COL5A2: variants seen among roughly 807,000 people sequenced by gnomAD.
COL5A2 encodes the protein collagen type V alpha 2 chain, also known as collagen alpha-2(V) chain.
A neutral mutation model predicts 208.2 loss-of-function variants in COL5A2; 23 were observed. The ratio of observed to expected loss-of-function variants is 0.11; its 90% CI spans 0.08 to 0.16. The LOEUF is 0.16. COL5A2 is among the 10% of genes least tolerant of loss of function. The pLI, the probability that COL5A2 is intolerant of heterozygous loss-of-function variation, is 1.00. For synonymous variants in COL5A2, 625 were observed against 628.5 expected, an observed-to-expected ratio of 0.99 and a Z score of 0.08; for missense variants, 1,590 against 1,956.4, an observed-to-expected ratio of 0.81 and a Z score of 3.53.
the COL5A2 span, among the ~76,000 whole-genome samples, chr2:189,420,116 G>A: frequency 6.6e-6 from 1 of 150,644 alleles, no homozygotes; most frequent in South Asian, 2.1e-4. Flanking sequence ...AGGGAGGGAG[G>A]AAAAATTACC....
At chr2:189,088,615 G>T (rs1686716504) in intron 8 of COL5A2, 80 bp downstream of exon 8, 1 of 1,001,228 alleles carries the variant, frequency 1.0e-6, no homozygotes, top group South Asian at 1.3e-5. Flanking sequence ...GTTATTCTTT[G>T]ACTAGTTAAC....
At chr2:189,037,668 G>T (rs902891393) in intron 51 of COL5A2, among the ~76,000 whole-genome samples, 2 of 152,122 alleles carry the variant, frequency 1.3e-5, no homozygotes, top group Non-Finnish European at 2.9e-5. Flanking sequence ...CCTGGTACAT[G>T]CAACTAGGGC....
chr2:189,220,386 A>T (rs1689333776), intron 1 of COL5A2, among the ~76,000 whole-genome samples: 1 of 152,156 alleles, frequency 6.6e-6, no homozygotes, highest in Non-Finnish European at 1.5e-5. Flanking sequence ...TTCTTTAGAG[A>T]ATTCAAATTA....
chr2:189,326,096 C>CAAA, the COL5A2 span, among the ~76,000 whole-genome samples: 141 of 96,792 alleles, frequency 1.5e-3, no homozygotes, highest in Middle Eastern at 4.8e-3. Context: ...GACCCTGTCT[C>CAAA]AAAAAAAAAA....
the COL5A2 span, among the ~76,000 whole-genome samples, chr2:189,373,398 G>C: frequency 6.6e-6 from 1 of 152,154 alleles, no homozygotes; most frequent in East Asian, 1.9e-4. Flanking sequence ...GTGTTTAAAT[G>C]TTCTGCTGTT....
At chr2:189,343,564 T>C in the COL5A2 span, among the ~76,000 whole-genome samples, 1 of 152,124 alleles carries the variant, frequency 6.6e-6, no homozygotes, top group Non-Finnish European at 1.5e-5. Flanking sequence ...CCTACAAGCA[T>C]TTATCCTATT....
chr2:189,120,329 C>A (rs557850886), intron 1 of COL5A2, among the ~76,000 whole-genome samples: 1 of 152,098 alleles, frequency 6.6e-6, no homozygotes, highest in East Asian at 1.9e-4. Context: ...TCTATTTTTT[C>A]ATTTCTCTAA....
At chr2:189,404,109 A>G in the COL5A2 span, among the ~76,000 whole-genome samples, 1 of 152,220 alleles carries the variant, frequency 6.6e-6, no homozygotes, top group Admixed American at 6.5e-5. Flanking sequence ...TAAATGTAAC[A>G]TGATCACATG....
In COL5A2 at chr2:189,053,568, G is replaced by C. The variant is rs1576495981; in HGVS notation, c.2500-91C>G. The C allele has an allele frequency of 7.8e-6, 9 of 1,156,172 alleles. No homozygotes were observed. The East Asian group carries it at 2.2e-4, about 28-fold the overall frequency. 71.6% of individuals were successfully genotyped at this position (1,156,172 alleles called of 1,614,324 possible). On this transcript the variant is annotated intron_variant, in intron 37 of 53. Coordinates refer to ENST00000374866, the MANE Select transcript of COL5A2 (RefSeq NM_000393.5). ...TATGATCATATAAATCTGATAGTTA[G>C]ACATGTAAATATAGAAAAATTACAC... is the stretch of plus-strand genomic sequence containing the variant.
chr2:189,440,879 T>C, the COL5A2 span, among the ~76,000 whole-genome samples: 2 of 151,988 alleles, frequency 1.3e-5, no homozygotes, highest in East Asian at 3.9e-4. Flanking sequence ...TGCACCAGAA[T>C]CCCGGAGTAG....
At chr2:189,298,458 G>C in the COL5A2 span, among the ~76,000 whole-genome samples, 1 of 152,040 alleles carries the variant, frequency 6.6e-6, no homozygotes, top group African/African-American at 2.4e-5. Context: ...TCTTCCTGCT[G>C]GGGTCCCCCT....
intron 1 of COL5A2, among the ~76,000 whole-genome samples, chr2:189,141,607 G>C (rs1204045460): frequency 2.0e-5 from 3 of 152,100 alleles, no homozygotes; most frequent in African/African-American, 4.8e-5. Context: ...AGTCACATGG[G>C]TCACGTAGTT....
chr2:189,072,764 C>T (rs1306848570), intron 17 of COL5A2, among the ~76,000 whole-genome samples: 237 of 73,740 alleles, frequency 3.2e-3, no homozygotes, highest in African/African-American at 0.013. Flanking sequence ...GACTCCATCT[C>T]CAAAAAAAAA....
chr2:189,057,695 C>CT (rs927651309), intron 33 of COL5A2, among the ~76,000 whole-genome samples: 1 of 152,034 alleles, frequency 6.6e-6, no homozygotes, highest in South Asian at 2.1e-4. Flanking sequence ...ATAGAGTTGC[C>CT]TTTTTTTCCC....
intron 42 of COL5A2, among the ~76,000 whole-genome samples, 191 bp from the exon 43 acceptor site, chr2:189,050,867 T>C (rs1481200430): frequency 6.6e-6 from 1 of 152,124 alleles, no homozygotes; most frequent in Non-Finnish European, 1.5e-5. Context: ...TATTTAAAGG[T>C]GAAAACAGCT....
intron 1 of COL5A2, among the ~76,000 whole-genome samples, chr2:189,136,985 G>A (rs902793630): frequency 1.3e-5 from 2 of 152,040 alleles, no homozygotes; most frequent in African/African-American, 2.4e-5. Context: ...AAAAATAGAA[G>A]CCAAATGTCA....
upstream of COL5A2, among the ~76,000 whole-genome samples, chr2:189,225,693 C>T (rs919544591): frequency 4.3e-4 from 65 of 151,652 alleles, no homozygotes; most frequent in African/African-American, 1.2e-3. Context: ...CTGTTTAAAA[C>T]CAAAGCAAAA....
the COL5A2 span, among the ~76,000 whole-genome samples, chr2:189,369,403 C>T: frequency 5.3e-5 from 8 of 151,940 alleles, no homozygotes; most frequent in African/African-American, 1.9e-4. Context: ...CTTTCTGTAT[C>T]CCTATGCCTC....
intron 1 of COL5A2, among the ~76,000 whole-genome samples, chr2:189,195,151 T>C (rs1688984017): frequency 6.6e-6 from 1 of 152,098 alleles, no homozygotes; most frequent in Non-Finnish European, 1.5e-5. Flanking sequence ...TGTGCAAAAA[T>C]CACAAGCATT....
Sources: gnomAD v4.1 joint callset for allele counts (sites outside exome capture counted in the v4.1 genomes callset) on GRCh38, gnomAD v4.1.1 for gene constraint, MANE v1.5 for transcripts, NCBI Gene and HGNC (gene_info 2026-07-23, HGNC 2026-07-21) for gene names.